The following UTRN variants were observed in gnomAD, a reference collection of about 807,000 sequenced individuals.
UTRN encodes utrophin.
In UTRN, 283 loss-of-function variants were observed where a neutral mutation model predicts 463.9. The observed-to-expected ratio is 0.61, with a 90% CI of 0.55 to 0.67. The LOEUF (loss-of-function observed/expected upper bound fraction) is 0.67, where lower values mean the gene tolerates loss of function less well. Ranked by LOEUF, UTRN falls within the 30% of genes least tolerant of loss-of-function variation. The pLI is 0.00. For synonymous variants in UTRN, 1,442 were observed against 1,431.5 expected (o/e 1.01, Z -0.17); for missense variants, 3,922 against 4,084.3 (o/e 0.96, Z 1.08).
intron 52 of UTRN, among the ~76,000 whole-genome samples, chr6:144,694,676 A>G (rs1783796801): frequency 6.6e-6 from 1 of 152,154 alleles, no homozygotes; most frequent in African/African-American, 2.4e-5. Context: ...GTTTATGTGC[A>G]TAGAGGTGTT....
Position 144,405,826 on chromosome 6 carries a change from G to T in UTRN, c.141+2642G>T, listed in dbSNP as rs571930387. Among the ~76,000 whole-genome samples the T allele has an allele frequency of 2.9e-4, 44 of 152,312 alleles. No homozygotes were observed. In the South Asian group the frequency reaches 8.5e-3, roughly 29 times the overall value. On this transcript the variant is annotated intron_variant, in intron 3 of 74. Transcript: ENST00000367545. ...AAATTGTCCACTTACTCTATGTAGA[G>T]TGACACGTCTCTTTTCCAAGGCATT...
intron 43 of UTRN, among the ~76,000 whole-genome samples, chr6:144,534,928 T>C (rs1221659261): frequency 2.0e-5 from 3 of 152,118 alleles, no homozygotes; most frequent in African/African-American, 7.2e-5. Context: ...GAGGCATAAA[T>C]AGCATCGTCG....
At chr6:144,690,536 G>A (rs981252883) in intron 52 of UTRN, among the ~76,000 whole-genome samples, 3 of 152,092 alleles carry the variant, frequency 2.0e-5, no homozygotes, top group African/African-American at 7.2e-5. Context: ...TGAAGCAGGG[G>A]CACCCAGCTC....
chr6:144,378,933 T>G (rs1429637548), intron 2 of UTRN, among the ~76,000 whole-genome samples: 1 of 152,148 alleles, frequency 6.6e-6, no homozygotes, highest in African/African-American at 2.4e-5. Flanking sequence ...ATAGAAGGGT[T>G]AGATTGTGGT....
chr6:144,689,191 T>G (rs1783067140), intron 52 of UTRN, among the ~76,000 whole-genome samples: 1 of 152,166 alleles, frequency 6.6e-6, no homozygotes, highest in Admixed American at 6.5e-5. Context: ...CTTGTGGGGA[T>G]GCAGTCACCC....
intron 23 of UTRN, among the ~76,000 whole-genome samples, chr6:144,469,030 G>T (rs1185029332): frequency 6.6e-6 from 1 of 152,180 alleles, no homozygotes. Flanking sequence ...GAGTGAATCT[G>T]CTGCTGCCAG....
At position 144,462,561 on chromosome 6, in the gene UTRN, T is replaced by G. The variant is rs1789530638; in HGVS notation, c.2854-93T>G. On this transcript the variant is annotated intron_variant, in intron 22 of 74. Coordinates refer to ENST00000367545, the MANE Select transcript of UTRN (RefSeq NM_007124.3). ...AGATAAAAATGCTTTCTAATGCATT[T>G]TAAAGTGACTTTTGACTTTATATAG... 4 of 1,228,148 alleles carry G rather than the reference T, an allele frequency of 3.3e-6. No homozygotes were observed. In the Admixed American group the frequency reaches 1.2e-4, roughly 37 times the overall value. The allele number at this position is 1,228,148 out of a possible 1,614,324, so 76.1% of individuals were successfully genotyped here.
At chr6:144,471,941 T>G (rs1293667115) in intron 23 of UTRN, among the ~76,000 whole-genome samples, 7 of 152,192 alleles carry the variant, frequency 4.6e-5, no homozygotes, top group Admixed American at 3.9e-4. Flanking sequence ...AGAATAGTCA[T>G]TACTGAGAGT....
At chr6:144,737,829 GT>G (rs10714100) in intron 54 of UTRN, among the ~76,000 whole-genome samples, 40,007 of 147,422 alleles carry the variant, frequency 0.27, 6,706 homozygotes, top group African/African-American at 0.46. Context: ...CAATTGAACT[GT>G]TTTTTTTTTT....
At chr6:144,314,540 C>T (rs1392692131) in intron 2 of UTRN, among the ~76,000 whole-genome samples, 4 of 152,222 alleles carry the variant, frequency 2.6e-5, no homozygotes, top group Non-Finnish European at 5.9e-5. Flanking sequence ...TATCCAAATC[C>T]TTGGGACCAG....
At chr6:144,325,525 T>C (rs1724683958) in intron 2 of UTRN, among the ~76,000 whole-genome samples, 1 of 152,224 alleles carries the variant, frequency 6.6e-6, no homozygotes, top group South Asian at 2.1e-4. Context: ...TTACCCAGTC[T>C]GTGGCATTCT....
In UTRN at chr6:144,692,189, A is replaced by G. The variant is rs557854993; in HGVS notation, c.7653-7898A>G. Among the ~76,000 whole-genome samples the G allele has an allele frequency of 3.3e-5, 5 of 152,322 alleles. No homozygotes were observed. In the South Asian group the frequency reaches 1.0e-3, roughly 32 times the overall value. On this transcript the variant is annotated intron_variant, in intron 52 of 74. Coordinates refer to ENST00000367545, the MANE Select transcript of UTRN (RefSeq NM_007124.3). The stretch of plus-strand genomic sequence containing the variant: ...TAGTTTTCTCAGGATAATGGCCTCC[A>G]GCTTCATCCCTGTTCCTGCAAAGAA...
intron 13 of UTRN, 42 bp downstream of exon 13, chr6:144,440,513 G>A (rs1014853745): frequency 1.9e-6 from 3 of 1,612,512 alleles, no homozygotes; most frequent in Non-Finnish European, 1.7e-6. Context: ...GGGACCTGTG[G>A]TCTGAGACCC....
intron 44 of UTRN, among the ~76,000 whole-genome samples, chr6:144,538,147 T>A (rs1585173669): frequency 6.6e-6 from 1 of 152,086 alleles, no homozygotes; most frequent in East Asian, 1.9e-4. Flanking sequence ...TTGCAATAGG[T>A]TTAGTGTCAT....
chr6:144,646,253 A>G (rs938249367), intron 51 of UTRN, among the ~76,000 whole-genome samples: 1 of 152,204 alleles, frequency 6.6e-6, no homozygotes, highest in African/African-American at 2.4e-5. Context: ...TAGTAGAAGC[A>G]TTCCCTTAAG....
At chr6:144,532,658 G>A (rs926666204) in intron 42 of UTRN, among the ~76,000 whole-genome samples, 1 of 152,140 alleles carries the variant, frequency 6.6e-6, no homozygotes, top group South Asian at 2.1e-4. Context: ...TGTGCATTTA[G>A]GTTTACTTGT....
intron 25 of UTRN, among the ~76,000 whole-genome samples, chr6:144,477,556 A>T (rs1206165805): frequency 6.6e-6 from 1 of 151,696 alleles, no homozygotes; most frequent in Non-Finnish European, 1.5e-5. Context: ...ACACACACAC[A>T]CACACGCACA....
chr6:144,819,901 TCCTCCTC>T (rs1779422952), intron 65 of UTRN, among the ~76,000 whole-genome samples: 2 of 124,570 alleles, frequency 1.6e-5, no homozygotes, highest in Non-Finnish European at 3.3e-5. Flanking sequence ...CTCCTCCTCC[TCCTCCTC>T]CTCCTCTCTC....
intron 53 of UTRN, among the ~76,000 whole-genome samples, chr6:144,718,375 C>T (rs1197843579): frequency 6.6e-6 from 1 of 152,150 alleles, no homozygotes; most frequent in Non-Finnish European, 1.5e-5. Context: ...GAGGCTGAGG[C>T]AGAAAGATCA....
Sources: allele counts gnomAD v4.1 joint callset (sites outside exome capture counted in the v4.1 genomes callset), GRCh38; gene constraint gnomAD v4.1.1; transcripts MANE v1.5; gene names NCBI Gene and HGNC (gene_info 2026-07-23, HGNC 2026-07-21).